Variants in NLGN1 observed in about 807,000 individuals in gnomAD.
The protein encoded by NLGN1 is neuroligin-1.
A neutral mutation model predicts 65.5 loss-of-function variants in NLGN1; 12 were observed. The observed-to-expected ratio is 0.18, with a 90% CI of 0.12 to 0.30. The LOEUF is 0.30. Among genes scored for constraint, NLGN1 ranks in the 10% least tolerant of loss-of-function variants. The pLI is 1.00. For missense variants in NLGN1, 750 were observed against 1,007.1 expected (o/e 0.74, Z 3.46); for synonymous variants, 350 against 359.5 (o/e 0.97, Z 0.30).
chr3:173,652,866 C>T (rs1252628625), intron 3 of NLGN1, among the ~76,000 whole-genome samples: 1 of 152,118 alleles, frequency 6.6e-6, no homozygotes, highest in Non-Finnish European at 1.5e-5. Context: ...ATTGATTCTT[C>T]CAATTCATGA....
At chr3:173,612,991 G>C (rs1272111817) in intron 3 of NLGN1, among the ~76,000 whole-genome samples, 1 of 152,002 alleles carries the variant, frequency 6.6e-6, no homozygotes, top group African/African-American at 2.4e-5. Flanking sequence ...TTGGATTATG[G>C]CACAACCTAA....
chr3:174,269,192 AAATTT>A (rs141878900), intron 4 of NLGN1, among the ~76,000 whole-genome samples: 1,795 of 152,082 alleles, frequency 0.012, 48 homozygotes, highest in African/African-American at 0.041. Context: ...ATTTAACATT[AAATTT>A]ATCATTATTA....
At chr3:174,250,561 C>A (rs1457120827) in intron 4 of NLGN1, among the ~76,000 whole-genome samples, 2 of 152,026 alleles carry the variant, frequency 1.3e-5, no homozygotes, top group Non-Finnish European at 2.9e-5. Flanking sequence ...TCACTGAAAG[C>A]CTAGAGGAAG....
intron 2 of NLGN1, among the ~76,000 whole-genome samples, chr3:173,560,220 C>T (rs1387001118): frequency 6.6e-6 from 1 of 152,072 alleles, no homozygotes; most frequent in Non-Finnish European, 1.5e-5. Context: ...AAGCGTGAGC[C>T]ACCGCGCCCA....
chr3:174,264,601 T>C (rs1476689853), intron 4 of NLGN1, among the ~76,000 whole-genome samples: 1 of 149,280 alleles, frequency 6.7e-6, no homozygotes, highest in African/African-American at 2.5e-5. Flanking sequence ...TTTTTCAAAG[T>C]TTTCAACTTC....
the NLGN1 span, among the ~76,000 whole-genome samples, chr3:174,292,143 AACCC>A: frequency 6.6e-6 from 1 of 151,226 alleles, no homozygotes; most frequent in African/African-American, 2.4e-5. Context: ...GTTAAGTAAA[AACCC>A]ACCTTATTGT....
intron 4 of NLGN1, chr3:173,912,397 A>G (rs1263610785): frequency 6.6e-6 from 1 of 152,182 alleles, no homozygotes; most frequent in Non-Finnish European, 1.5e-5. Context: ...CCACTCGCTC[A>G]CTGACTGCCC....
At chr3:173,756,622 T>A (rs1777165531) in intron 3 of NLGN1, among the ~76,000 whole-genome samples, 1 of 151,836 alleles carries the variant, frequency 6.6e-6, no homozygotes, top group Admixed American at 6.6e-5. Flanking sequence ...ATTGCGTCTC[T>A]AAATACCATT....
chr3:174,009,743 C>G (rs183365826), intron 4 of NLGN1, among the ~76,000 whole-genome samples: 2 of 152,130 alleles, frequency 1.3e-5, no homozygotes, highest in Non-Finnish European at 2.9e-5. Context: ...ATCTGAGTTT[C>G]CACAGGAGAA....
intron 4 of NLGN1, among the ~76,000 whole-genome samples, chr3:173,845,459 G>T (rs1422086248): frequency 6.6e-6 from 1 of 152,152 alleles, no homozygotes; most frequent in Non-Finnish European, 1.5e-5. Context: ...ACACTCAGAA[G>T]TATCTTAATG....
intron 1 of NLGN1, among the ~76,000 whole-genome samples, chr3:173,413,806 T>C (rs1049273283): frequency 6.6e-6 from 1 of 152,050 alleles, no homozygotes; most frequent in Non-Finnish European, 1.5e-5. Context: ...GAGCTAAACA[T>C]ACCAGGTGAT....
Position 174,098,643 on chromosome 3 carries a change from T to G in NLGN1, c.647-176672T>G, listed in dbSNP as rs558319027. 6.6e-5 allele frequency among the ~76,000 whole-genome samples: 10 copies of G among 152,292 alleles called. No individual in the cohort carries two copies. In the South Asian group the frequency reaches 2.1e-3, roughly 32 times the overall value. Reference sequence around the variant, plus strand: ...GACTTCCCTGTGCATTGAAATCACCTGATGGTCTTGTTAAAATTCAGATTC... The same window carrying G: ...GACTTCCCTGTGCATTGAAATCACCGGATGGTCTTGTTAAAATTCAGATTC... On this transcript the variant is annotated intron_variant, in intron 4 of 6. Coordinates refer to ENST00000457714, the Ensembl canonical transcript of NLGN1.
intron 4 of NLGN1, among the ~76,000 whole-genome samples, chr3:174,041,268 C>T (rs1579946824): frequency 6.6e-6 from 1 of 152,098 alleles, no homozygotes; most frequent in Non-Finnish European, 1.5e-5. Flanking sequence ...GCTTCTTCTA[C>T]TCAGCACAAT....
At chr3:174,242,288 T>C (rs1374998615) in intron 4 of NLGN1, among the ~76,000 whole-genome samples, 1 of 151,786 alleles carries the variant, frequency 6.6e-6, no homozygotes, top group Non-Finnish European at 1.5e-5. Context: ...CTGTTAAGAA[T>C]CAGGCCGCAC....
At position 174,077,642 on chromosome 3, in the gene NLGN1, G is replaced by A. The variant is rs148720218; in HGVS notation, c.647-197673G>A. Among the ~76,000 whole-genome samples, 28 of 151,954 alleles carry A rather than the reference G, an allele frequency of 1.8e-4. No homozygotes were observed. The East Asian group carries it at 5.2e-3, about 28-fold the overall frequency. On this transcript the variant is annotated intron_variant, in intron 4 of 6. Coordinates refer to ENST00000457714, the Ensembl canonical transcript of NLGN1. ...ATGATCTCGACTCACTGCAGCCTCC[G>A]CCTCCCGGGTTCAAGCATTTCTCCT...
At chr3:174,257,933 T>C (rs1422438582) in intron 4 of NLGN1, among the ~76,000 whole-genome samples, 1 of 150,656 alleles carries the variant, frequency 6.6e-6, no homozygotes, top group Non-Finnish European at 1.5e-5. Context: ...GTTCGAAAAA[T>C]AGTAATTTTT....
chr3:173,614,679 G>C (rs1196826363), intron 3 of NLGN1, among the ~76,000 whole-genome samples: 3 of 151,908 alleles, frequency 2.0e-5, no homozygotes, highest in South Asian at 4.2e-4. Flanking sequence ...TGCTTCTCTT[G>C]ACCTATCCCC....
chr3:173,533,288 G>T (rs1479400641), intron 2 of NLGN1, among the ~76,000 whole-genome samples: 1 of 152,140 alleles, frequency 6.6e-6, no homozygotes, highest in Non-Finnish European at 1.5e-5. Context: ...CTTACAGATT[G>T]TTTTCTTCAT....
Position 173,631,819 on chromosome 3 carries a change from A to G in NLGN1, c.493+26728A>G, listed in dbSNP as rs140618523. On this transcript the variant is annotated intron_variant, in intron 3 of 6. Coordinates refer to ENST00000457714, the Ensembl canonical transcript of NLGN1. ...TTTCATGCATTATTTATTTTACTGA[A>G]TGAAATTTACTTATTAAAATTAAGT... is the stretch of plus-strand genomic sequence containing the variant. Among the ~76,000 whole-genome samples the G allele has an allele frequency of 9.7e-3, 1,473 of 152,260 alleles. 17 individuals are homozygous for G. The highest frequency in any genetic ancestry group is 0.033 in the African/African-American group (1,388 of 41,564).
Sources: gnomAD v4.1 joint callset for allele counts (sites outside exome capture counted in the v4.1 genomes callset) on GRCh38, gnomAD v4.1.1 for gene constraint, MANE v1.5 for transcripts, NCBI Gene and HGNC (gene_info 2026-07-23, HGNC 2026-07-21) for gene names.